GCNT2: variants seen among roughly 807,000 people sequenced by gnomAD.
The protein encoded by GCNT2 is N-acetyllactosaminide beta-1,6-N-acetylglucosaminyl-transferase.
Under a neutral mutation model 34.2 loss-of-function variants are expected in GCNT2, and 34 were observed. The observed-to-expected ratio is 1.00, with a 90% CI of 0.76 to 1.32. The LOEUF (loss-of-function observed/expected upper bound fraction) is 1.32. Among genes scored for constraint, GCNT2 ranks in the 40% most tolerant of loss-of-function variants. The pLI is 0.00. For synonymous variants in GCNT2, 212 were observed against 188.0 expected (o/e 1.13, Z -1.04); for missense variants, 584 against 489.4 (o/e 1.19, Z -1.82).
chr6:10,528,280 G>C (rs1407815731), intron 2 of GCNT2: 1 of 157,152 alleles, frequency 6.4e-6, no homozygotes, highest in African/African-American at 2.4e-5. Context: ...CCCAGCCAAT[G>C]GGGAGAGCGA....
chr6:10,534,182 C>G (rs1427452603), intron 3 of GCNT2, among the ~76,000 whole-genome samples: 2 of 112,536 alleles, frequency 1.8e-5, no homozygotes, highest in Non-Finnish European at 3.9e-5. Context: ...CGCTCTGTCA[C>G]CCAGGCTGGA....
intron 3 of GCNT2, among the ~76,000 whole-genome samples, chr6:10,616,232 G>A (rs971439623): frequency 3.3e-5 from 5 of 152,154 alleles, no homozygotes; most frequent in Admixed American, 6.5e-5. Flanking sequence ...TCCTACCAGT[G>A]GGTTCGTGGT....
chr6:10,581,778 T>TCAA (rs1371050422), intron 3 of GCNT2: 1 of 985,162 alleles, frequency 1.0e-6, no homozygotes, highest in East Asian at 1.1e-4. Flanking sequence ...CCTTTGCCTC[T>TCAA]CTTTTCTCAC....
At chr6:10,603,858 T>A (rs1363204059) in intron 3 of GCNT2, among the ~76,000 whole-genome samples, 4 of 139,850 alleles carry the variant, frequency 2.9e-5, no homozygotes, top group Non-Finnish European at 3.1e-5. Flanking sequence ...TATCTTAAGG[T>A]TTTTGTTTGC....
At chr6:10,561,428 C>T (rs1762976153) in intron 3 of GCNT2, among the ~76,000 whole-genome samples, 4 of 152,258 alleles carry the variant, frequency 2.6e-5, no homozygotes, top group Admixed American at 2.6e-4. Context: ...TCCCAGAGTG[C>T]TGGGATTACA....
intron 3 of GCNT2, among the ~76,000 whole-genome samples, chr6:10,540,641 T>G (rs1234434375): frequency 6.6e-6 from 1 of 152,186 alleles, no homozygotes; most frequent in East Asian, 1.9e-4. Flanking sequence ...TGAGTGGGCT[T>G]CCAATATCAC....
chr6:10,609,421 T>C (rs1027561369), intron 3 of GCNT2, among the ~76,000 whole-genome samples: 2 of 152,202 alleles, frequency 1.3e-5, no homozygotes, highest in African/African-American at 4.8e-5. Context: ...ATACTCAAAA[T>C]AATGACATTA....
At position 10,608,377 on chromosome 6, in the gene GCNT2, G is replaced by A. The variant is rs546863282; in HGVS notation, c.926-12974G>A. ...ACAGGCGTGAGCCACCACGCCTGGC[G>A]ATATGCACATTTTTAAGGCTTTTAA... On this transcript the variant is annotated intron_variant, in intron 3 of 4. Coordinates refer to ENST00000495262, the MANE Select transcript of GCNT2 (RefSeq NM_145649.5). 4.6e-5 allele frequency among the ~76,000 whole-genome samples: 7 copies of A among 152,122 alleles called. No homozygotes were observed. In the South Asian group the frequency reaches 1.5e-3, roughly 32 times the overall value.
chr6:10,570,663 C>CT (rs1261535325), intron 3 of GCNT2, among the ~76,000 whole-genome samples: 2 of 152,208 alleles, frequency 1.3e-5, no homozygotes, highest in Non-Finnish European at 2.9e-5. Flanking sequence ...TGGTCCAAGT[C>CT]TGAGCTCCTC....
At chr6:10,577,004 G>GAGCTCAAGAGCTCAAGAGCTCTT (rs1763850421) in intron 3 of GCNT2, among the ~76,000 whole-genome samples, 2 of 152,198 alleles carry the variant, frequency 1.3e-5, no homozygotes, top group Admixed American at 6.5e-5. Context: ...CTTGAGCTCA[G>GAGCTCAAGAGCTCAAGAGCTCTT]GAGTTCAAGG....
chr6:10,584,535 C>G (rs1250518966), intron 3 of GCNT2, among the ~76,000 whole-genome samples: 1 of 152,168 alleles, frequency 6.6e-6, no homozygotes, highest in Non-Finnish European at 1.5e-5. Flanking sequence ...GCTGTAAGGT[C>G]TTTCCCTTCC....
At chr6:10,603,868 CTTGT>C (rs1262699199) in intron 3 of GCNT2, among the ~76,000 whole-genome samples, 3 of 101,520 alleles carry the variant, frequency 3.0e-5, no homozygotes, top group African/African-American at 7.7e-5. Flanking sequence ...TTTTTGTTTG[CTTGT>C]TTGTTTTTTG....
chr6:10,565,467 C>T (rs1278022095), intron 3 of GCNT2, among the ~76,000 whole-genome samples: 4 of 152,194 alleles, frequency 2.6e-5, no homozygotes, highest in African/African-American at 4.8e-5. Context: ...CAATAATTCA[C>T]GATTTTCCCA....
chr6:10,552,426 G>A (rs1195404225), intron 3 of GCNT2, among the ~76,000 whole-genome samples: 1 of 151,638 alleles, frequency 6.6e-6, no homozygotes, highest in Non-Finnish European at 1.5e-5. Flanking sequence ...CCCAGATCCT[G>A]AATCCTTGGA....
intron 3 of GCNT2, among the ~76,000 whole-genome samples, chr6:10,581,432 G>A (rs945841311): frequency 6.6e-6 from 1 of 151,954 alleles, no homozygotes; most frequent in South Asian, 2.1e-4. Context: ...CACCCCACCT[G>A]GCTAATTTTG....
In GCNT2 at chr6:10,563,158, G is replaced by GA. The variant is rs562059964; in HGVS notation, c.925+33326dup. Among the ~76,000 whole-genome samples, 329 of 151,998 alleles carry GA rather than the reference G, an allele frequency of 2.2e-3. 4 individuals are homozygous for GA. The highest frequency in any genetic ancestry group is 7.5e-3 in the African/African-American group (312 of 41,468). On this transcript the variant is annotated intron_variant, in intron 3 of 4. Transcript: ENST00000495262. ...CAACAGAGTGAGACTCGGTCTCCAA[G>GA]AAAATAAACAAATAAGCACATCCCT...
intron 3 of GCNT2, among the ~76,000 whole-genome samples, chr6:10,597,639 T>C (rs1764914994): frequency 6.6e-6 from 1 of 151,846 alleles, no homozygotes; most frequent in African/African-American, 2.4e-5. Flanking sequence ...TTTTGCTTTT[T>C]TTGTTAGAGA....
chr6:10,573,107 T>A lies in GCNT2; in HGVS notation c.925+43271T>A, dbSNP rs940390945. On this transcript the variant is annotated intron_variant, in intron 3 of 4. Transcript: ENST00000495262. ...TCACTGCCTATCTCTATTTTAAGAC[T>A]TTTGTTTCCATTTATTTGAAAGTGT... The A allele has an allele frequency of 1.1e-5, 9 of 830,610 alleles. No homozygotes were observed. The African/African-American group carries it at 1.7e-4, about 15-fold the overall frequency. The allele number at this position is 830,610 out of a possible 1,614,324, so 51.5% of individuals were successfully genotyped here. A position where few individuals can be genotyped will look rare whatever the true frequency, so the allele number is the denominator to read the frequency against.
At chr6:10,567,124 G>A (rs1354812148) in intron 3 of GCNT2, among the ~76,000 whole-genome samples, 1 of 152,128 alleles carries the variant, frequency 6.6e-6, no homozygotes, top group Non-Finnish European at 1.5e-5. Context: ...TTCAAGATAA[G>A]CCTGGGCAAC....
Sources: gnomAD v4.1 joint callset for allele counts (sites outside exome capture counted in the v4.1 genomes callset) on GRCh38, gnomAD v4.1.1 for gene constraint, MANE v1.5 for transcripts, NCBI Gene and HGNC (gene_info 2026-07-23, HGNC 2026-07-21) for gene names.